Variants in GPM6A observed in about 807,000 individuals in gnomAD.
GPM6A encodes neuronal membrane glycoprotein M6-a.
In GPM6A, 7 loss-of-function variants were observed where a neutral mutation model predicts 32.1. The ratio of observed to expected loss-of-function variants is 0.22; its 90% CI spans 0.12 to 0.41. GPM6A has a LOEUF of 0.41. Ranked by LOEUF, GPM6A falls within the 10% of genes least tolerant of loss-of-function variation. The pLI is 1.00. For missense variants in GPM6A, 235 were observed against 347.2 expected (o/e 0.68, Z 2.57); for synonymous variants, 130 against 123.4 (o/e 1.05, Z -0.35).
At chr4:175,689,699 G>A (rs1457777494) in intron 2 of GPM6A, among the ~76,000 whole-genome samples, 2 of 152,160 alleles carry the variant, frequency 1.3e-5, no homozygotes, top group East Asian at 3.9e-4. Flanking sequence ...TGAAAGTGAG[G>A]TATTGAAATC....
intron 1 of GPM6A, among the ~76,000 whole-genome samples, chr4:175,983,363 A>G (rs547626136): frequency 1.3e-5 from 2 of 152,314 alleles, no homozygotes; most frequent in Non-Finnish European, 2.9e-5. Flanking sequence ...TATACCATGC[A>G]GAGCTTTCTA....
chr4:175,846,106 C>T (rs992792969), intron 1 of GPM6A, among the ~76,000 whole-genome samples: 3 of 152,034 alleles, frequency 2.0e-5, no homozygotes, highest in Admixed American at 6.6e-5. Flanking sequence ...GTCGTAACAT[C>T]GTGTCTCTAC....
intron 1 of GPM6A, among the ~76,000 whole-genome samples, chr4:175,732,943 T>G (rs1271850524): frequency 2.0e-5 from 3 of 152,216 alleles, no homozygotes; most frequent in Admixed American, 6.5e-5. Flanking sequence ...GAATATTAAT[T>G]TATTTGCCTA....
intron 1 of GPM6A, among the ~76,000 whole-genome samples, chr4:175,990,521 C>G (rs926300551): frequency 6.6e-6 from 1 of 152,116 alleles, no homozygotes; most frequent in Non-Finnish European, 1.5e-5. Context: ...TCCTTCGTTA[C>G]GTCATTATGT....
chr4:175,996,025 C>T (rs919157689), intron 1 of GPM6A, among the ~76,000 whole-genome samples: 1 of 152,160 alleles, frequency 6.6e-6, no homozygotes, highest in Non-Finnish European at 1.5e-5. Context: ...TCTTGTCAAA[C>T]AGTTGAAAAT....
intron 1 of GPM6A, among the ~76,000 whole-genome samples, chr4:175,958,001 T>G (rs1269280740): frequency 6.6e-6 from 1 of 152,212 alleles, no homozygotes; most frequent in African/African-American, 2.4e-5. Flanking sequence ...CAAACAATTC[T>G]CCTGCCTCAG....
chr4:175,990,524 C>T (rs2126459109), intron 1 of GPM6A, among the ~76,000 whole-genome samples: 1 of 152,192 alleles, frequency 6.6e-6, no homozygotes, highest in East Asian at 1.9e-4. Flanking sequence ...TTCGTTACGT[C>T]ATTATGTGCA....
intron 1 of GPM6A, among the ~76,000 whole-genome samples, chr4:175,803,839 T>C (rs1734573916): frequency 6.6e-6 from 1 of 152,134 alleles, no homozygotes; most frequent in Non-Finnish European, 1.5e-5. Context: ...TCTGAGTGGG[T>C]GGTTTCTGAA....
chr4:175,815,734 TGAGATGGAGTTTTGCTC>T (rs1735078714), upstream of GPM6A, among the ~76,000 whole-genome samples: 1 of 149,492 alleles, frequency 6.7e-6, no homozygotes. Context: ...TTTTTTTTTT[TGAGATGGAGTTTTGCTC>T]TTGTTGACCA....
At chr4:175,775,383 G>A (rs1236369341) in intron 1 of GPM6A, among the ~76,000 whole-genome samples, 1 of 152,054 alleles carries the variant, frequency 6.6e-6, no homozygotes, top group Non-Finnish European at 1.5e-5. Context: ...TAAAAAGAAC[G>A]TTTCTATAGT....
At position 175,787,619 on chromosome 4, in the gene GPM6A, A is replaced by T. The variant is rs909366743; in HGVS notation, c.37+24572T>A. ...AGCTTTTTTCCCCAAATCACAACCC[A>T]TGTATCTAATTGCTTTACTGACATA... On this transcript the variant is annotated intron_variant, in intron 1 of 6. Coordinates refer to ENST00000393658, the MANE Select transcript of GPM6A (RefSeq NM_201591.3). 5.3e-6 allele frequency: 7 copies of T among 1,321,804 alleles called. No homozygotes were observed. In the African/African-American group the frequency reaches 1.0e-4, roughly 20 times the overall value. 81.9% of individuals were successfully genotyped at this position (1,321,804 alleles called of 1,614,324 possible).
rs1048184445 is a variant in GPM6A at position 175,775,068 on chromosome 4, A to G, written c.37+37123T>C. On this transcript the variant is annotated intron_variant, in intron 1 of 6. Coordinates refer to ENST00000393658, the MANE Select transcript of GPM6A (RefSeq NM_201591.3). ...TAACATTTTTATTTTTAGCGTGTAA[A>G]GTCTACCATGGCTTAGAAGGTTCAC... 6.6e-5 allele frequency among the ~76,000 whole-genome samples: 10 copies of G among 152,202 alleles called. No individual in the cohort carries two copies. In the East Asian group the frequency reaches 1.7e-3, roughly 26 times the overall value.
intron 2 of GPM6A, among the ~76,000 whole-genome samples, chr4:175,689,447 T>G (rs536634463): frequency 1.5e-5 from 1 of 64,800 alleles, no homozygotes; most frequent in South Asian, 4.9e-4. Context: ...ATTTATAGCG[T>G]TTTTTTTTTT....
intron 1 of GPM6A, among the ~76,000 whole-genome samples, chr4:175,991,360 C>A (rs1741136905): frequency 6.6e-6 from 1 of 151,722 alleles, no homozygotes; most frequent in Admixed American, 6.6e-5. Context: ...ACAGGCATAG[C>A]CACTGCGCCT....
intron 1 of GPM6A, among the ~76,000 whole-genome samples, chr4:175,954,827 G>A (rs1579660902): frequency 1.3e-5 from 2 of 152,298 alleles, no homozygotes; most frequent in South Asian, 4.1e-4. Context: ...TACCCTGGCT[G>A]CCTGATGGCA....
intron 1 of GPM6A, among the ~76,000 whole-genome samples, chr4:175,957,340 G>C (rs1410483269): frequency 6.6e-6 from 1 of 152,116 alleles, no homozygotes; most frequent in Non-Finnish European, 1.5e-5. Flanking sequence ...CTGCTCTCAA[G>C]TCCATTAATT....
At chr4:175,938,663 A>G (rs559695978) in intron 1 of GPM6A, among the ~76,000 whole-genome samples, 1 of 152,094 alleles carries the variant, frequency 6.6e-6, no homozygotes, top group East Asian at 1.9e-4. Context: ...ATACATAATA[A>G]CAGATTGTAG....
At chr4:175,720,345 A>G (rs1411090861) in intron 1 of GPM6A, among the ~76,000 whole-genome samples, 1 of 152,236 alleles carries the variant, frequency 6.6e-6, no homozygotes, top group Non-Finnish European at 1.5e-5. Flanking sequence ...TTTTATGAAT[A>G]CACACAAAGC....
At chr4:175,820,996 A>C (rs1036014235) in intron 1 of GPM6A, among the ~76,000 whole-genome samples, 14 of 152,162 alleles carry the variant, frequency 9.2e-5, no homozygotes, top group Non-Finnish European at 1.8e-4. Context: ...TTTCCCTACA[A>C]GTCTGAGGTG....
Sources: gnomAD v4.1 joint callset for allele counts (sites outside exome capture counted in the v4.1 genomes callset) on GRCh38, gnomAD v4.1.1 for gene constraint, MANE v1.5 for transcripts, NCBI Gene and HGNC (gene_info 2026-07-23, HGNC 2026-07-21) for gene names.